Variants in FMNL2 observed in about 807,000 individuals in gnomAD.
The protein encoded by FMNL2 is formin like 2.
A neutral mutation model predicts 130.2 loss-of-function variants in FMNL2; 51 were observed. The observed-to-expected ratio is 0.39, with a 90% CI of 0.31 to 0.49. The LOEUF is 0.49. FMNL2 is among the 20% of genes least tolerant of loss of function. The probability of loss-of-function intolerance (pLI) is 0.85; values close to 1 mark genes in which losing one functional copy is unlikely to be tolerated. For missense variants in FMNL2, 977 were observed against 1,316.2 expected (o/e 0.74, Z 3.99); for synonymous variants, 465 against 467.1 (o/e 1.00, Z 0.06).
At chr2:152,576,202 G>T (rs1018855718) in intron 7 of FMNL2, among the ~76,000 whole-genome samples, 4 of 152,056 alleles carry the variant, frequency 2.6e-5, no homozygotes, top group Admixed American at 2.6e-4. Flanking sequence ...AACACAAAAG[G>T]TGCTGTGTTA....
At chr2:152,361,863 C>G (rs141029019) in intron 1 of FMNL2, among the ~76,000 whole-genome samples, 2 of 152,134 alleles carry the variant, frequency 1.3e-5, no homozygotes, top group African/African-American at 2.4e-5. Flanking sequence ...TGAGGAATTA[C>G]ACTCATTTTA....
intron 1 of FMNL2, among the ~76,000 whole-genome samples, chr2:152,410,060 G>T (rs1479676222): frequency 1.3e-5 from 2 of 152,164 alleles, no homozygotes; most frequent in African/African-American, 4.8e-5. Context: ...GAACAATACA[G>T]TTCTGTCTCG....
Position 152,439,859 on chromosome 2 carries a change from T to C in FMNL2, c.118-82084T>C, listed in dbSNP as rs1687966364. On this transcript the variant is annotated intron_variant, in intron 1 of 25. Transcript: ENST00000288670. The stretch of plus-strand genomic sequence containing the variant: ...CATTTACCCGTTTTATGAAACTCTC[T>C]GTAAATTATAGCCATATAGCAGGTG... Among the ~76,000 whole-genome samples the C allele has an allele frequency of 2.0e-5, 3 of 150,274 alleles. No homozygotes were observed. In the South Asian group the frequency reaches 6.4e-4, roughly 32 times the overall value.
At chr2:152,548,886 T>A (rs1039246722) in intron 3 of FMNL2, 135 bp from the exon 4 acceptor site, 29 of 685,988 alleles carry the variant, frequency 4.2e-5, no homozygotes, top group Middle Eastern at 8.5e-4. Flanking sequence ...TTGTGTGCTC[T>A]GCAACAAAAA....
intron 23 of FMNL2, among the ~76,000 whole-genome samples, chr2:152,638,585 C>T (rs913559625): frequency 3.3e-5 from 5 of 152,210 alleles, no homozygotes; most frequent in East Asian, 3.9e-4. Flanking sequence ...AGCCCATCTT[C>T]CCTCAGCATG....
intron 1 of FMNL2, among the ~76,000 whole-genome samples, chr2:152,478,247 TATA>T (rs1291329464): frequency 0.037 from 3,200 of 87,544 alleles, 72 homozygotes; most frequent in East Asian, 0.072. Context: ...TATATATATA[TATA>T]TTTTTTTTTT....
At chr2:152,475,146 G>A (rs1056742002) in intron 1 of FMNL2, among the ~76,000 whole-genome samples, 4 of 152,146 alleles carry the variant, frequency 2.6e-5, no homozygotes, top group Admixed American at 2.0e-4. Flanking sequence ...ATTGGAAACT[G>A]GTAACTGCTA....
At chr2:152,432,868 C>T (rs377658164) in intron 1 of FMNL2, among the ~76,000 whole-genome samples, 8 of 152,076 alleles carry the variant, frequency 5.3e-5, no homozygotes, top group South Asian at 2.1e-4. Context: ...GGCTTTGCAG[C>T]GTAGGATAAT....
At chr2:152,361,160 G>T (rs1192781253) in intron 1 of FMNL2, among the ~76,000 whole-genome samples, 1 of 152,012 alleles carries the variant, frequency 6.6e-6, no homozygotes, top group Non-Finnish European at 1.5e-5. Flanking sequence ...TACTACATTT[G>T]TAAAAGGCTT....
chr2:152,410,110 AGTCTT>A (rs1686202226), intron 1 of FMNL2, among the ~76,000 whole-genome samples: 1 of 152,204 alleles, frequency 6.6e-6, no homozygotes, highest in Non-Finnish European at 1.5e-5. Flanking sequence ...AACAGCCAAT[AGTCTT>A]TCATCAGTGT....
chr2:152,512,929 T>G (rs2105366651), intron 1 of FMNL2, among the ~76,000 whole-genome samples: 1 of 152,358 alleles, frequency 6.6e-6, no homozygotes. Context: ...TTATCTGATT[T>G]GATCTTCTGA....
chr2:152,600,036 G>T (rs1697968423), intron 9 of FMNL2, among the ~76,000 whole-genome samples: 1 of 152,196 alleles, frequency 6.6e-6, no homozygotes, highest in South Asian at 2.1e-4. Flanking sequence ...GGCCATTATG[G>T]CCCTCATATA....
chr2:152,640,696 G>GT lies in FMNL2; in HGVS notation c.3046-95_3046-94insT. ...TGTGTGTGTGTTTTTGGCCGAAGCT[G>GT]CTTATTAGTAACATAATGCTCAGGC... On this transcript the variant is annotated intron_variant, in intron 24 of 25. Transcript: ENST00000288670. 2.0e-6 allele frequency: 3 copies of GT among 1,465,334 alleles called. No homozygotes were observed. In the South Asian group the frequency reaches 4.0e-5, roughly 19 times the overall value. The allele number at this position is 1,465,334 out of a possible 1,614,324, so 90.8% of individuals were successfully genotyped here.
intron 10 of FMNL2, chr2:152,607,620 GGTATA>G: frequency 2.2e-6 from 1 of 450,086 alleles, no homozygotes; most frequent in Non-Finnish European, 4.0e-6. Flanking sequence ...TTACATACAC[GGTATA>G]GTAAAGACAA....
At chr2:152,459,355 T>C (rs1206823434) in intron 1 of FMNL2, among the ~76,000 whole-genome samples, 1 of 152,204 alleles carries the variant, frequency 6.6e-6, no homozygotes, top group Admixed American at 6.5e-5. Flanking sequence ...TCTGCTTTTG[T>C]TAAGACTGCA....
chr2:152,550,088 T>G (rs1294439152), intron 4 of FMNL2, among the ~76,000 whole-genome samples: 1 of 152,192 alleles, frequency 6.6e-6, no homozygotes, highest in Non-Finnish European at 1.5e-5. Flanking sequence ...GAAATAATGT[T>G]GTTATAAAAC....
intron 1 of FMNL2, among the ~76,000 whole-genome samples, chr2:152,400,864 C>T (rs546905563): frequency 6.6e-6 from 1 of 152,338 alleles, no homozygotes; most frequent in South Asian, 2.1e-4. Context: ...AGCCCCACTG[C>T]TTTAGGGGTA....
rs889059065 is a variant in FMNL2, at chr2:152,373,115, A to G, written c.117+37395A>G. 2.0e-5 allele frequency among the ~76,000 whole-genome samples: 3 copies of G among 152,200 alleles called. No individual in the cohort carries two copies. In the East Asian group the frequency reaches 5.8e-4, roughly 29 times the overall value. ...TCCTATACCAGTTTACTGGGTTTAAACAAAGTTATCTTGATTGTCCCTTCT... is the reference window on the plus strand; with the variant it reads ...TCCTATACCAGTTTACTGGGTTTAAGCAAAGTTATCTTGATTGTCCCTTCT... On this transcript the variant is annotated intron_variant, in intron 1 of 25. Coordinates refer to ENST00000288670, the MANE Select transcript of FMNL2 (RefSeq NM_052905.4).
intron 1 of FMNL2, among the ~76,000 whole-genome samples, chr2:152,389,600 G>A (rs896678950): frequency 1.3e-5 from 2 of 152,142 alleles, no homozygotes; most frequent in African/African-American, 4.8e-5. Context: ...GAGTTGTTGG[G>A]CCCGGCGTGA....
Sources: allele counts gnomAD v4.1 joint callset (sites outside exome capture counted in the v4.1 genomes callset), GRCh38; gene constraint gnomAD v4.1.1; transcripts MANE v1.5; gene names NCBI Gene and HGNC (gene_info 2026-07-23, HGNC 2026-07-21).